Variants in TYW1 observed in about 807,000 individuals in gnomAD.
TYW1 encodes tRNA-yW synthesizing protein 1 homolog, also known as S-adenosyl-L-methionine-dependent tRNA 4-demethylwyosine synthase TYW1.
A neutral mutation model predicts 96.2 loss-of-function variants in TYW1; 46 were observed. The ratio of observed to expected loss-of-function variants is 0.48; its 90% CI spans 0.38 to 0.61. The LOEUF is 0.61. Among genes scored for constraint, TYW1 ranks in the 20% least tolerant of loss-of-function variants. The probability of loss-of-function intolerance (pLI) is 0.00; values close to 1 mark genes in which losing one functional copy is unlikely to be tolerated. For synonymous variants in TYW1, 274 were observed against 323.0 expected, an observed-to-expected ratio of 0.85 and a Z score of 1.63; for missense variants, 684 against 909.6, an observed-to-expected ratio of 0.75 and a Z score of 3.19.
At chr7:67,115,427 C>T (rs145258041) in intron 12 of TYW1, among the ~76,000 whole-genome samples, 2 of 152,224 alleles carry the variant, frequency 1.3e-5, no homozygotes, top group South Asian at 2.1e-4. Context: ...GAAGGATCCC[C>T]TTAGTATATC....
chr7:67,163,803 A>G (rs1321563014), intron 13 of TYW1, among the ~76,000 whole-genome samples: 1 of 151,530 alleles, frequency 6.6e-6, no homozygotes, highest in East Asian at 1.9e-4. Context: ...TGAGTAGCTG[A>G]GTTTACAGGC....
intron 15 of TYW1, among the ~76,000 whole-genome samples, chr7:67,216,995 CA>C (rs1234151058): frequency 2.7e-5 from 4 of 149,968 alleles, no homozygotes; most frequent in Admixed American, 2.0e-4. Context: ...ATAATTTTAT[CA>C]ATACTCTGAG....
In TYW1 at chr7:66,998,831, G is replaced by A. The variant is rs761070560; in HGVS notation, c.150G>A (p.Gln50=). The A allele has an allele frequency of 1.2e-6, 2 of 1,614,110 alleles. No homozygotes were observed. Among genetic ancestry groups the A allele is most frequent in the Non-Finnish European group, 8.5e-7 (1 of 1,180,024 alleles). The change falls in exon 3 of 16, where the codon CAG becomes CAA. Residue 50 remains glutamine, a synonymous_variant. Transcript: ENST00000359626. The part of the protein sequence containing the change: ...IVIKTQGKNL[Q]EKSVPKAAQD... ...TTGTCTTCAAGGGCAAGAACTTACA[G>A]GAAAAATCTGTTCCAAAAGCAGCTC...
intron 13 of TYW1, among the ~76,000 whole-genome samples, chr7:67,176,699 A>G (rs1799680092): frequency 6.6e-6 from 1 of 152,242 alleles, no homozygotes; most frequent in Non-Finnish European, 1.5e-5. Flanking sequence ...AGCTGATTCT[A>G]AAATGTACAT....
At chr7:67,108,417 C>T (rs986486919) in intron 12 of TYW1, among the ~76,000 whole-genome samples, 1 of 150,924 alleles carries the variant, frequency 6.6e-6, no homozygotes, top group African/African-American at 2.4e-5. Context: ...GCATTCCAAC[C>T]AGTAACTTTG....
In TYW1 at chr7:67,162,437, T is replaced by C. The variant is rs1237966469; in HGVS notation, c.1699-20689T>C. Among the ~76,000 whole-genome samples, 10 of 152,286 alleles carry C rather than the reference T, an allele frequency of 6.6e-5. No individual in the cohort carries two copies. In the East Asian group the frequency reaches 1.5e-3, roughly 23 times the overall value. On this transcript the variant is annotated intron_variant, in intron 13 of 15. Coordinates refer to ENST00000359626, the MANE Select transcript of TYW1 (RefSeq NM_018264.4). ...ATTTGGGACTTTGGGAACTTGTAGATTGGTACAAGTAATATTTCTGGAGAA... is the reference window on the plus strand; with the variant it reads ...ATTTGGGACTTTGGGAACTTGTAGACTGGTACAAGTAATATTTCTGGAGAA...
intron 6 of TYW1, among the ~76,000 whole-genome samples, chr7:67,020,171 G>T (rs1794196878): frequency 6.6e-6 from 1 of 152,276 alleles, no homozygotes; most frequent in Non-Finnish European, 1.5e-5. Flanking sequence ...CTGGAGGCTA[G>T]GAGTTCAAGA....
intron 6 of TYW1, among the ~76,000 whole-genome samples, chr7:67,023,492 G>A (rs987992782): frequency 5.3e-5 from 8 of 152,158 alleles, no homozygotes; most frequent in African/African-American, 1.9e-4. Flanking sequence ...TATCAGCTGG[G>A]CACGGTGGCT....
chr7:67,212,950 A>G (rs1801085820), intron 15 of TYW1, among the ~76,000 whole-genome samples: 1 of 152,076 alleles, frequency 6.6e-6, no homozygotes, highest in Non-Finnish European at 1.5e-5. Context: ...ATCTCAGCTC[A>G]CTGCAACCTC....
At chr7:67,028,211 C>A (rs1461306276) in intron 7 of TYW1, among the ~76,000 whole-genome samples, 1 of 150,260 alleles carries the variant, frequency 6.7e-6, no homozygotes. Flanking sequence ...TGCATTCAAG[C>A]CTGGGCAACA....
At chr7:67,115,414 T>G (rs1797564315) in intron 12 of TYW1, among the ~76,000 whole-genome samples, 1 of 152,188 alleles carries the variant, frequency 6.6e-6, no homozygotes, top group Admixed American at 6.5e-5. Flanking sequence ...TTACCTGAAC[T>G]TTGAAGGATC....
intron 12 of TYW1, among the ~76,000 whole-genome samples, chr7:67,102,356 C>T (rs1797110422): frequency 6.6e-6 from 1 of 152,152 alleles, no homozygotes; most frequent in Non-Finnish European, 1.5e-5. Flanking sequence ...CTTCTCAGGC[C>T]TGCAGAGGGA....
chr7:67,121,462 A>C (rs963058044), intron 13 of TYW1, among the ~76,000 whole-genome samples: 3 of 152,160 alleles, frequency 2.0e-5, no homozygotes, highest in Non-Finnish European at 1.5e-5. Flanking sequence ...AATTGCTTCA[A>C]CCGAGGAGGC....
intron 13 of TYW1, among the ~76,000 whole-genome samples, chr7:67,137,958 C>T (rs138585704): frequency 3.9e-5 from 6 of 152,214 alleles, no homozygotes; most frequent in Middle Eastern, 3.4e-3. Flanking sequence ...CCCAGAGTAC[C>T]GAAAAAGAGT....
intron 8 of TYW1, among the ~76,000 whole-genome samples, chr7:67,052,150 T>C (rs1666906577): frequency 6.6e-6 from 1 of 152,174 alleles, no homozygotes; most frequent in Admixed American, 6.6e-5. Flanking sequence ...ATGTTTCTTT[T>C]ATTTGGGTTT....
chr7:67,029,292 ATGGACTTAAGATTTAAAAAAATGATG>A (rs200461165), intron 7 of TYW1, among the ~76,000 whole-genome samples: 39,426 of 141,912 alleles, frequency 0.28, 5,899 homozygotes, highest in East Asian at 0.51. Flanking sequence ...GCTGGCTGAT[ATGGACTTAAGATTTAAAAAAATGATG>A]TGGACTTAAG....
intron 10 of TYW1, among the ~76,000 whole-genome samples, chr7:67,073,828 A>G (rs1208977797): frequency 6.6e-6 from 1 of 150,612 alleles, no homozygotes; most frequent in Admixed American, 6.6e-5. Context: ...CACGCCCATA[A>G]TCCCAGCACT....
chr7:67,084,999 C>A (rs758999422), intron 11 of TYW1, among the ~76,000 whole-genome samples: 1 of 152,194 alleles, frequency 6.6e-6, no homozygotes, highest in African/African-American at 2.4e-5. Flanking sequence ...TCCTTCTCTC[C>A]TGTATTCTTC....
intron 4 of TYW1, among the ~76,000 whole-genome samples, chr7:67,009,985 CTT>C (rs1174548567): frequency 1.5e-4 from 19 of 129,686 alleles, no homozygotes; most frequent in Admixed American, 4.0e-4. Context: ...TTTTTCTTTT[CTT>C]TTTTTTTTTT....
Sources: allele counts gnomAD v4.1 joint callset (sites outside exome capture counted in the v4.1 genomes callset), GRCh38; gene constraint gnomAD v4.1.1; transcripts MANE v1.5; gene names NCBI Gene and HGNC (gene_info 2026-07-23, HGNC 2026-07-21).